ZNF385D: variants seen among roughly 807,000 people sequenced by gnomAD.
ZNF385D encodes the protein zinc finger protein 659.
A neutral mutation model predicts 35.8 loss-of-function variants in ZNF385D; 15 were observed. That is an observed-to-expected ratio of 0.42 (90% CI 0.28 to 0.64). The LOEUF (loss-of-function observed/expected upper bound fraction) is 0.64. Among genes scored for constraint, ZNF385D ranks in the 30% least tolerant of loss-of-function variants. The pLI, the probability that ZNF385D is intolerant of heterozygous loss-of-function variation, is 0.23. For synonymous variants in ZNF385D, 212 were observed against 186.8 expected, an observed-to-expected ratio of 1.13 and a Z score of -1.10; for missense variants, 474 against 494.6, an observed-to-expected ratio of 0.96 and a Z score of 0.39.
At chr3:22,167,010 T>G (rs938706035) in intron 3 of ZNF385D, among the ~76,000 whole-genome samples, 1 of 152,210 alleles carries the variant, frequency 6.6e-6, no homozygotes, top group African/African-American at 2.4e-5. Context: ...AATATACATT[T>G]TAAAATCATG....
intron 1 of ZNF385D, among the ~76,000 whole-genome samples, chr3:21,671,929 CA>C (rs914156261): frequency 1.1e-4 from 17 of 152,248 alleles, no homozygotes; most frequent in African/African-American, 3.6e-4. Flanking sequence ...AAATATGTTT[CA>C]AAACCCCTCA....
chr3:21,918,605 G>A (rs1007112395), intron 3 of ZNF385D, among the ~76,000 whole-genome samples: 3 of 152,124 alleles, frequency 2.0e-5, no homozygotes, highest in East Asian at 3.9e-4. Context: ...TACATGAGAG[G>A]AAAAGTGAAA....
intron 1 of ZNF385D, among the ~76,000 whole-genome samples, chr3:21,681,322 A>AAAC (rs1553636430): frequency 1.3e-5 from 2 of 149,850 alleles, no homozygotes; most frequent in African/African-American, 4.9e-5. Context: ...AAAAAAAAAA[A>AAAC]AACCTACATT....
At chr3:21,998,375 A>C (rs866358506) in intron 3 of ZNF385D, among the ~76,000 whole-genome samples, 5 of 152,120 alleles carry the variant, frequency 3.3e-5, no homozygotes, top group South Asian at 4.1e-4. Flanking sequence ...AAAGCCAAGA[A>C]CCCTCCCAAG....
intron 2 of ZNF385D, among the ~76,000 whole-genome samples, chr3:22,192,695 T>C (rs1696140925): frequency 6.6e-6 from 1 of 152,142 alleles, no homozygotes; most frequent in South Asian, 2.1e-4. Flanking sequence ...AGCAAATGCT[T>C]CCTAACCAAG....
At chr3:22,131,770 G>C (rs1178882164) in intron 3 of ZNF385D, among the ~76,000 whole-genome samples, 1 of 152,144 alleles carries the variant, frequency 6.6e-6, no homozygotes, top group Non-Finnish European at 1.5e-5. Flanking sequence ...TTTATAGTCA[G>C]AGTTATCTCC....
intron 2 of ZNF385D, among the ~76,000 whole-genome samples, chr3:22,244,299 G>C (rs1173629845): frequency 2.3e-5 from 3 of 132,804 alleles, no homozygotes; most frequent in Non-Finnish European, 4.7e-5. Context: ...TCTTTGGAGA[G>C]TTTTAAGATA....
intron 2 of ZNF385D, among the ~76,000 whole-genome samples, chr3:22,261,617 T>C (rs1271207214): frequency 6.6e-6 from 1 of 151,934 alleles, no homozygotes; most frequent in African/African-American, 2.4e-5. Context: ...CTTCCTCTGT[T>C]TTCTACCTGG....
At chr3:22,083,067 T>C (rs923048168) in intron 3 of ZNF385D, among the ~76,000 whole-genome samples, 5 of 152,244 alleles carry the variant, frequency 3.3e-5, no homozygotes, top group South Asian at 2.1e-4. Context: ...CAAATCCTCA[T>C]CTGTAGGTCA....
At chr3:22,049,231 G>C (rs1166465846) in intron 3 of ZNF385D, among the ~76,000 whole-genome samples, 3 of 151,574 alleles carry the variant, frequency 2.0e-5, no homozygotes, top group Admixed American at 6.6e-5. Context: ...GGGAGGCAGA[G>C]GTTGCAGTGA....
At chr3:21,980,985 G>A (rs907647682) in intron 3 of ZNF385D, among the ~76,000 whole-genome samples, 1 of 152,076 alleles carries the variant, frequency 6.6e-6, no homozygotes, top group African/African-American at 2.4e-5. Context: ...CATTTAGTTT[G>A]ATTCCATGTC....
chr3:21,939,174 G>A (rs948193113), intron 3 of ZNF385D, among the ~76,000 whole-genome samples: 5 of 152,138 alleles, frequency 3.3e-5, no homozygotes, highest in African/African-American at 1.2e-4. Context: ...CCCTATATTT[G>A]CCCACTGAAA....
chr3:21,689,659 G>C (rs1292509737), intron 1 of ZNF385D, among the ~76,000 whole-genome samples: 1 of 152,114 alleles, frequency 6.6e-6, no homozygotes. Context: ...GTAACTGTCT[G>C]TGGTTAATCC....
rs187149555 is a variant in ZNF385D, at chr3:21,682,664, C to G, written c.23-17636G>C. Among the ~76,000 whole-genome samples the G allele has an allele frequency of 1.1e-3, 159 of 149,876 alleles. 9 individuals carry two copies. Among genetic ancestry groups the G allele is most frequent in the African/African-American group, 3.7e-3 (149 of 40,760 alleles). On this transcript the variant is annotated intron_variant, in intron 1 of 7. Coordinates refer to ENST00000281523, the MANE Select transcript of ZNF385D (RefSeq NM_024697.3). Reference sequence around the variant, plus strand: ...ACATGGAAGCTGTACAAAATTAGAGCAAGTTAGAACTGGATGAAACCTTAG... The same window carrying G: ...ACATGGAAGCTGTACAAAATTAGAGGAAGTTAGAACTGGATGAAACCTTAG...
chr3:22,006,886 G>A (rs1214488317), intron 3 of ZNF385D, among the ~76,000 whole-genome samples: 1 of 151,844 alleles, frequency 6.6e-6, no homozygotes, highest in Non-Finnish European at 1.5e-5. Flanking sequence ...GAAACCAAGA[G>A]AACTGTGTTT....
chr3:22,048,387 T>C (rs1559332395), intron 3 of ZNF385D, among the ~76,000 whole-genome samples: 1 of 152,162 alleles, frequency 6.6e-6, no homozygotes, highest in South Asian at 2.1e-4. Flanking sequence ...AGGTCTTATA[T>C]TTAAGTCTTT....
chr3:22,320,034 T>C (rs542008615), intron 2 of ZNF385D, among the ~76,000 whole-genome samples: 2 of 152,042 alleles, frequency 1.3e-5, no homozygotes, highest in Non-Finnish European at 2.9e-5. Flanking sequence ...TGGAAGATCC[T>C]GAATTTCACA....
chr3:21,430,189 T>C (rs1701228884), intron 5 of ZNF385D, among the ~76,000 whole-genome samples: 1 of 152,060 alleles, frequency 6.6e-6, no homozygotes, highest in Non-Finnish European at 1.5e-5. Context: ...CAACAAACAT[T>C]AAGCACCTGG....
intron 2 of ZNF385D, among the ~76,000 whole-genome samples, chr3:22,348,891 T>C (rs1695788700): frequency 6.6e-6 from 1 of 152,192 alleles, no homozygotes; most frequent in African/African-American, 2.4e-5. Flanking sequence ...ATGACAGCCC[T>C]GGCAAACTAA....
Sources: allele counts gnomAD v4.1 joint callset (sites outside exome capture counted in the v4.1 genomes callset), GRCh38; gene constraint gnomAD v4.1.1; transcripts MANE v1.5; gene names NCBI Gene and HGNC (gene_info 2026-07-23, HGNC 2026-07-21).